The following CNTN4 variants were observed in gnomAD, a reference collection of about 807,000 sequenced individuals.
The protein encoded by CNTN4 is contactin-4.
CNTN4 carries 77 observed loss-of-function variants against 122.5 expected under a neutral mutation model. That is an observed-to-expected ratio of 0.63 (90% CI 0.52 to 0.76). CNTN4 has a LOEUF of 0.76. Ranked by LOEUF, CNTN4 falls within the 30% of genes least tolerant of loss-of-function variation. The pLI, the probability that CNTN4 is intolerant of heterozygous loss-of-function variation, is 0.00. For synonymous variants in CNTN4, 512 were observed against 447.0 expected (o/e 1.15, Z -1.83); for missense variants, 1,256 against 1,259.1 (o/e 1.00, Z 0.04).
chr3:2,230,361 A>G (rs1316296860), intron 2 of CNTN4, among the ~76,000 whole-genome samples: 1 of 152,200 alleles, frequency 6.6e-6, no homozygotes, highest in African/African-American at 2.4e-5. Context: ...CAGATAGACA[A>G]CAAGAAACTT....
At chr3:2,773,304 A>G (rs966124233) in intron 6 of CNTN4, among the ~76,000 whole-genome samples, 8 of 152,286 alleles carry the variant, frequency 5.3e-5, no homozygotes, top group South Asian at 2.1e-4. Context: ...CTGAAAGAGA[A>G]AGTTTAAAGA....
intron 2 of CNTN4, among the ~76,000 whole-genome samples, chr3:2,317,805 G>A (rs2043156044): frequency 6.6e-6 from 1 of 152,184 alleles, no homozygotes; most frequent in Non-Finnish European, 1.5e-5. Flanking sequence ...AACGACTGAT[G>A]TGCTAGAACT....
chr3:2,101,338 T>G (rs2031936163), intron 2 of CNTN4, among the ~76,000 whole-genome samples: 2 of 152,182 alleles, frequency 1.3e-5, no homozygotes, highest in Non-Finnish European at 2.9e-5. Flanking sequence ...AGCAGAAAAT[T>G]CCCATGCATG....
intron 6 of CNTN4, among the ~76,000 whole-genome samples, chr3:2,778,019 C>G (rs894055931): frequency 6.6e-6 from 1 of 151,544 alleles, no homozygotes; most frequent in Non-Finnish European, 1.5e-5. Context: ...TCGAGGCCAT[C>G]CTGGCTAACA....
At chr3:3,016,075 A>G (rs1157748719) in intron 14 of CNTN4, among the ~76,000 whole-genome samples, 1 of 152,172 alleles carries the variant, frequency 6.6e-6, no homozygotes, top group African/African-American at 2.4e-5. Context: ...TTATTTGATG[A>G]AAATGTTTCT....
At chr3:3,027,339 G>C (rs1170723338) in intron 15 of CNTN4, among the ~76,000 whole-genome samples, 2 of 152,184 alleles carry the variant, frequency 1.3e-5, no homozygotes, top group East Asian at 3.9e-4. Context: ...TACATCAGTG[G>C]ATGCCTGGGT....
intron 4 of CNTN4, among the ~76,000 whole-genome samples, chr3:2,701,765 A>G (rs1193967343): frequency 6.6e-6 from 1 of 152,106 alleles, no homozygotes; most frequent in African/African-American, 2.4e-5. Flanking sequence ...TTTCTCTTTC[A>G]TGGCTGTTTT....
chr3:2,909,933 CT>C (rs2094281553), intron 12 of CNTN4, among the ~76,000 whole-genome samples: 1 of 152,140 alleles, frequency 6.6e-6, no homozygotes, highest in Non-Finnish European at 1.5e-5. Flanking sequence ...ACACAGAGGG[CT>C]TTTGTTGTTG....
rs1347798629 is a variant in CNTN4 at position 2,709,453 on chromosome 3, A to AATGGGGGATGGGAACT, written c.56-26760_56-26745dup. ...GTTCCCTCAGGTGATCATCGTGTGCAATGGGGGATGGGAACTACTGAAACC... is the reference window on the plus strand; with the variant it reads ...GTTCCCTCAGGTGATCATCGTGTGCAATGGGGGATGGGAACTATGGGGGATGGGAACTACTGAAACC... On this transcript the variant is annotated intron_variant, in intron 4 of 24. Transcript: ENST00000418658. This position sits in a 1 kb window ranked among gnomAD's most constrained non-coding sequence, Gnocchi z 5.0. Among the ~76,000 whole-genome samples, 2 of 152,082 alleles carry AATGGGGGATGGGAACT rather than the reference A, an allele frequency of 1.3e-5. No individual in the cohort carries two copies. The highest frequency in any genetic ancestry group is 4.8e-5 in the African/African-American group (2 of 41,406).
intron 12 of CNTN4, among the ~76,000 whole-genome samples, chr3:2,905,210 G>C (rs1038797212): frequency 6.6e-6 from 1 of 152,144 alleles, no homozygotes; most frequent in African/African-American, 2.4e-5. Context: ...TTTTTGATCT[G>C]AGCTCTTAAG....
At chr3:2,927,191 A>G (rs1391034954) in intron 13 of CNTN4, 5 of 353,678 alleles carry the variant, frequency 1.4e-5, no homozygotes, top group African/African-American at 1.1e-4. Flanking sequence ...GAATAAAGTT[A>G]TAATAACACT....
intron 3 of CNTN4, among the ~76,000 whole-genome samples, chr3:2,532,936 T>C (rs1266293915): frequency 6.6e-6 from 1 of 152,030 alleles, no homozygotes; most frequent in Non-Finnish European, 1.5e-5. Flanking sequence ...CCTTACGAGT[T>C]TACTGGGGCT....
chr3:2,649,246 A>G (rs983239386), intron 4 of CNTN4, among the ~76,000 whole-genome samples: 1 of 152,250 alleles, frequency 6.6e-6, no homozygotes, highest in Non-Finnish European at 1.5e-5. Context: ...TTTTAAATGT[A>G]GATAAACAGC....
intron 17 of CNTN4, 97 bp downstream of exon 17, chr3:3,034,887 C>A: frequency 8.0e-7 from 1 of 1,245,352 alleles, no homozygotes; most frequent in Non-Finnish European, 1.2e-6. Flanking sequence ...TCAGACACTA[C>A]TACAAATGAT....
At chr3:2,284,238 GA>G (rs1249980539) in intron 2 of CNTN4, among the ~76,000 whole-genome samples, 1 of 152,070 alleles carries the variant, frequency 6.6e-6, no homozygotes, top group Admixed American at 6.6e-5. Context: ...AACAACATCA[GA>G]AATTGGGGCA....
At chr3:2,155,403 T>C (rs2035676512) in intron 2 of CNTN4, among the ~76,000 whole-genome samples, 1 of 152,108 alleles carries the variant, frequency 6.6e-6, no homozygotes, top group Non-Finnish European at 1.5e-5. Flanking sequence ...ATCGGAGACA[T>C]TGGAGTCCCC....
At chr3:2,224,180 C>T (rs920145042) in intron 2 of CNTN4, among the ~76,000 whole-genome samples, 3 of 152,120 alleles carry the variant, frequency 2.0e-5, no homozygotes, top group African/African-American at 7.2e-5. Context: ...GAATTACCAG[C>T]CAAATGTATG....
At chr3:2,273,715 C>T (rs949969655) in intron 2 of CNTN4, among the ~76,000 whole-genome samples, 4 of 152,074 alleles carry the variant, frequency 2.6e-5, no homozygotes, top group South Asian at 2.1e-4. Flanking sequence ...CCTCTTAATG[C>T]AGTACTAATA....
chr3:2,848,805 A>G (rs2093498384), intron 7 of CNTN4, among the ~76,000 whole-genome samples: 1 of 152,324 alleles, frequency 6.6e-6, no homozygotes, highest in African/African-American at 2.4e-5. Context: ...CCCACTCTTA[A>G]ACCAATTATG....
Sources: gnomAD v4.1 joint callset for allele counts (sites outside exome capture counted in the v4.1 genomes callset) on GRCh38, gnomAD v4.1.1 for gene constraint, Gnocchi (gnomAD v3.1) non-coding constraint, MANE v1.5 for transcripts, NCBI Gene and HGNC (gene_info 2026-07-23, HGNC 2026-07-21) for gene names.